The following TMEM131L variants were observed in gnomAD, a reference collection of about 807,000 sequenced individuals.
The protein encoded by TMEM131L is transmembrane protein 131-like.
A neutral mutation model predicts 192.2 loss-of-function variants in TMEM131L; 54 were observed. The ratio of observed to expected loss-of-function variants is 0.28; its 90% CI spans 0.23 to 0.35. The LOEUF (loss-of-function observed/expected upper bound fraction) is 0.35, where lower values mean the gene tolerates loss of function less well. Among genes scored for constraint, TMEM131L ranks in the 10% least tolerant of loss-of-function variants. TMEM131L has a pLI of 1.00. For missense variants in TMEM131L, 1,888 were observed against 1,972.9 expected, an observed-to-expected ratio of 0.96 and a Z score of 0.82; for synonymous variants, 701 against 704.9, an observed-to-expected ratio of 0.99 and a Z score of 0.09.
At chr4:153,514,323 C>T (rs1734561462) in intron 3 of TMEM131L, among the ~76,000 whole-genome samples, 1 of 152,196 alleles carries the variant, frequency 6.6e-6, no homozygotes, top group South Asian at 2.1e-4. Flanking sequence ...TGAATTATTG[C>T]CCATGTTTCT....
chr4:153,510,389 C>CGACATAATTTTCTTACTCAACAATT (rs1734273477), intron 3 of TMEM131L, among the ~76,000 whole-genome samples: 1 of 152,152 alleles, frequency 6.6e-6, no homozygotes, highest in African/African-American at 2.4e-5. Context: ...ATGCCTATGG[C>CGACATAATTTTCTTACTCAACAATT]CCAGGTGACC....
At chr4:153,586,595 G>GT (rs1486674552) in intron 14 of TMEM131L, among the ~76,000 whole-genome samples, 24 of 152,210 alleles carry the variant, frequency 1.6e-4, no homozygotes, top group African/African-American at 5.8e-4. Flanking sequence ...GTAATTTGAA[G>GT]TTCTTGAATG....
At chr4:153,487,071 C>A (rs1173375219) in intron 3 of TMEM131L, among the ~76,000 whole-genome samples, 2 of 152,204 alleles carry the variant, frequency 1.3e-5, no homozygotes, top group African/African-American at 4.8e-5. Context: ...ATCAGAAGCT[C>A]TAGGGGAGGA....
chr4:153,593,166 A>G (rs1448892583), intron 18 of TMEM131L, among the ~76,000 whole-genome samples: 1 of 152,212 alleles, frequency 6.6e-6, no homozygotes, highest in Non-Finnish European at 1.5e-5. Context: ...TAATTAGTTC[A>G]TGTCTGTTAT....
intron 29 of TMEM131L, among the ~76,000 whole-genome samples, chr4:153,623,900 CTTT>C (rs55968757): frequency 6.9e-6 from 1 of 145,150 alleles, no homozygotes; most frequent in Non-Finnish European, 1.5e-5. Context: ...GCCATATTTG[CTTT>C]TTTTTTTTTA....
chr4:153,587,721 A>G (rs781097749), intron 14 of TMEM131L, 21 bp from the exon 15 acceptor site: 6 of 1,544,658 alleles, frequency 3.9e-6, no homozygotes, highest in Non-Finnish European at 5.4e-6. Context: ...TAAGTTATTC[A>G]TATATTACTT....
intron 3 of TMEM131L, among the ~76,000 whole-genome samples, chr4:153,498,467 A>G (rs1733348942): frequency 6.6e-6 from 1 of 152,178 alleles, no homozygotes; most frequent in East Asian, 1.9e-4. Context: ...TGTTTTTTGC[A>G]GGATTCTGGA....
intron 3 of TMEM131L, among the ~76,000 whole-genome samples, chr4:153,496,073 CG>C (rs2149938175): frequency 6.6e-6 from 1 of 152,198 alleles, no homozygotes; most frequent in South Asian, 2.1e-4. Context: ...CTCTCGAGGG[CG>C]GCGAGACCTG....
chr4:153,469,958 AAAC>A, intron 2 of TMEM131L, among the ~76,000 whole-genome samples: 1 of 150,058 alleles, frequency 6.7e-6, no homozygotes, highest in Non-Finnish European at 1.5e-5. Flanking sequence ...ACAAACAAAA[AAAC>A]CAGTAACATA....
intron 7 of TMEM131L, among the ~76,000 whole-genome samples, chr4:153,578,430 A>G (rs2150704929): frequency 6.6e-6 from 1 of 151,872 alleles, no homozygotes; most frequent in African/African-American, 2.4e-5. Flanking sequence ...ATCTCAGCTC[A>G]CTGAAACCTC....
At chr4:153,558,624 C>T in intron 7 of TMEM131L, 1 of 238,924 alleles carries the variant, frequency 4.2e-6, no homozygotes, top group Non-Finnish European at 8.0e-6. Context: ...ACCGTTAGGC[C>T]ATATACCTAT....
chr4:153,614,857 G>A (rs1732865783), intron 26 of TMEM131L, among the ~76,000 whole-genome samples: 1 of 152,176 alleles, frequency 6.6e-6, no homozygotes, highest in Admixed American at 6.5e-5. Context: ...GTAGATAAGA[G>A]ACATTTTAGA....
chr4:153,472,095 A>G (rs1260586723), intron 2 of TMEM131L, among the ~76,000 whole-genome samples: 1 of 152,150 alleles, frequency 6.6e-6, no homozygotes, highest in Non-Finnish European at 1.5e-5. Flanking sequence ...AATAACTAAC[A>G]TGGGTTGGGC....
At chr4:153,489,412 C>T (rs573652820) in intron 3 of TMEM131L, among the ~76,000 whole-genome samples, 101 of 152,256 alleles carry the variant, frequency 6.6e-4, no homozygotes, top group Non-Finnish European at 1.3e-3. Flanking sequence ...TGAATTATTT[C>T]TTTGTGTATC....
chr4:153,626,610 C>T (rs1258653593), intron 30 of TMEM131L, among the ~76,000 whole-genome samples: 2 of 152,070 alleles, frequency 1.3e-5, no homozygotes, highest in Admixed American at 6.6e-5. Context: ...TTCGTTTTTT[C>T]TTTTTAAATT....
chr4:153,567,262 G>A (rs1186894942), intron 7 of TMEM131L, among the ~76,000 whole-genome samples: 3 of 152,210 alleles, frequency 2.0e-5, no homozygotes, highest in East Asian at 3.8e-4. Context: ...GGTCTTTAGA[G>A]CTGTCCCATT....
At chr4:153,609,912 G>A (rs1732499237) in intron 25 of TMEM131L, among the ~76,000 whole-genome samples, 1 of 152,138 alleles carries the variant, frequency 6.6e-6, no homozygotes, top group Non-Finnish European at 1.5e-5. Context: ...TACGGACCCT[G>A]TCTGCCTTGC....
rs575832226 is a variant in TMEM131L at position 153,501,943 on chromosome 4, G to GTTTT, written c.239+28075_239+28078dup. On this transcript the variant is annotated intron_variant, in intron 3 of 34. Coordinates refer to ENST00000409959, the MANE Select transcript of TMEM131L (RefSeq NM_001131007.2). ...ACTTCCTGGAAGTATCCCCCAAAGG[G>GTTTT]TTTTTTTTTTTTTTTTTTTTTTTAA... is the stretch of plus-strand genomic sequence containing the variant. Among the ~76,000 whole-genome samples the GTTTT allele has an allele frequency of 5.7e-3, 667 of 117,380 alleles. 9 individuals carry two copies. Among genetic ancestry groups the GTTTT allele is most frequent in the African/African-American group, 0.02 (574 of 28,142 alleles). 77.0% of individuals were successfully genotyped at this position (117,380 alleles called of 152,430 possible). A position where few individuals can be genotyped will look rare whatever the true frequency, so the allele number is the denominator to read the frequency against.
chr4:153,497,549 TA>T, intron 3 of TMEM131L, among the ~76,000 whole-genome samples: 1 of 152,294 alleles, frequency 6.6e-6, no homozygotes, highest in Admixed American at 6.5e-5. Flanking sequence ...AGGAGAGTTA[TA>T]TTGATTAAAT....
Sources: gnomAD v4.1 joint callset for allele counts (sites outside exome capture counted in the v4.1 genomes callset) on GRCh38, gnomAD v4.1.1 for gene constraint, MANE v1.5 for transcripts, NCBI Gene and HGNC (gene_info 2026-07-23, HGNC 2026-07-21) for gene names.